The following TMCC3 variants were observed in gnomAD, a reference collection of about 807,000 sequenced individuals.
TMCC3 encodes the protein transmembrane and coiled-coil domain protein 3.
A neutral mutation model predicts 40.2 loss-of-function variants in TMCC3; 28 were observed. That is an observed-to-expected ratio of 0.70 (90% CI 0.52 to 0.95). TMCC3 has a LOEUF of 0.95. Among genes scored for constraint, TMCC3 ranks in the 40% least tolerant of loss-of-function variants. The probability of loss-of-function intolerance (pLI) is 0.00; values close to 1 mark genes in which losing one functional copy is unlikely to be tolerated. For missense variants in TMCC3, 554 were observed against 615.2 expected, an observed-to-expected ratio of 0.90 and a Z score of 1.05; for synonymous variants, 255 against 248.5, an observed-to-expected ratio of 1.03 and a Z score of -0.25.
chr12:94,581,899 C>T lies in TMCC3; in HGVS notation c.718G>A (p.Gly240Arg), dbSNP rs373520146. The change falls in exon 2 of 4, where the codon GGG (glycine) becomes AGG (arginine). Residue 240 changes from glycine to arginine, a missense_variant. Transcript: ENST00000261226. ...TTGTTCACGATGGTAGCGCTGCCCCCGTAGGCCCTGGCACTCGCCTCTGGC... is the reference window on the plus strand; with the variant it reads ...TTGTTCACGATGGTAGCGCTGCCCCTGTAGGCCCTGGCACTCGCCTCTGGC... ...FRPEASARAY[G>R]GSATIVNKPK... 123 of 1,614,144 alleles carry T rather than the reference C, an allele frequency of 7.6e-5. No individual in the cohort carries two copies. Among genetic ancestry groups the T allele is most frequent in the Non-Finnish European group, 5.1e-5 (60 of 1,180,056 alleles).
chr12:94,639,731 A>C (rs1186097583), intron 1 of TMCC3, among the ~76,000 whole-genome samples: 2 of 149,980 alleles, frequency 1.3e-5, no homozygotes, highest in African/African-American at 2.5e-5. Context: ...AAAAAAATAT[A>C]AATTAGAAAA....
At chr12:94,589,497 A>T (rs2068659060) in intron 1 of TMCC3, among the ~76,000 whole-genome samples, 1 of 152,218 alleles carries the variant, frequency 6.6e-6, no homozygotes, top group South Asian at 2.1e-4. Context: ...ATCCTATTAC[A>T]TGCCCACGAG....
chr12:94,591,479 C>T (rs2138837579), intron 1 of TMCC3, among the ~76,000 whole-genome samples: 1 of 151,528 alleles, frequency 6.6e-6, no homozygotes, highest in Admixed American at 6.6e-5. Context: ...GATACAGTGG[C>T]TGGATGCAGT....
chr12:94,649,927 A>C, intron 1 of TMCC3, among the ~76,000 whole-genome samples: 1 of 151,998 alleles, frequency 6.6e-6, no homozygotes. Flanking sequence ...ACAGGGAGAC[A>C]GGGCGGCCGC....
chr12:94,599,556 A>ACCCCCCCCCCCCCCC (rs10545928), intron 1 of TMCC3, among the ~76,000 whole-genome samples: 1 of 69,506 alleles, frequency 1.4e-5, no homozygotes, highest in African/African-American at 5.3e-5. Context: ...TTTAAAAGAT[A>ACCCCCCCCCCCCCCC]CCCCCCCCCC....
intron 1 of TMCC3, among the ~76,000 whole-genome samples, chr12:94,642,750 A>T (rs1285507785): frequency 6.6e-6 from 1 of 152,240 alleles, no homozygotes; most frequent in Non-Finnish European, 1.5e-5. Flanking sequence ...TCCCATCTGA[A>T]CATTAACCGA....
chr12:94,582,858 A>G (rs564737399), intron 1 of TMCC3, among the ~76,000 whole-genome samples: 8 of 152,162 alleles, frequency 5.3e-5, no homozygotes, highest in Admixed American at 5.2e-4. Context: ...CCGGTCTCCC[A>G]AAGTGCCCAG....
intron 1 of TMCC3, among the ~76,000 whole-genome samples, chr12:94,620,373 C>T (rs1397446238): frequency 2.7e-5 from 4 of 150,722 alleles, no homozygotes; most frequent in Non-Finnish European, 4.4e-5. Context: ...CTGCAACCTT[C>T]GCCTCCCAAG....
chr12:94,607,789 CT>C (rs2068792386), intron 1 of TMCC3, among the ~76,000 whole-genome samples: 1 of 152,246 alleles, frequency 6.6e-6, no homozygotes. Context: ...ATTAATCTGA[CT>C]CAGTCCACCT....
chr12:94,582,067 T>C lies in TMCC3; in HGVS notation c.550A>G (p.Ser184Gly), dbSNP rs111947128. ...SRTAPHCMES[S>G]KSGMPGVSLT... ...GAGACCCCTGGCATGCCCGATTTGC[T>C]GCTCTCCATGCAATGGGGGGCAGTT... The change falls in exon 2 of 4, where the codon AGC becomes GGC. Residue 184 changes from serine to glycine, a missense_variant. Ser to Gly is a moderately conservative substitution (Grantham distance 56, BLOSUM62 0). Coordinates refer to ENST00000261226, the MANE Select transcript of TMCC3 (RefSeq NM_020698.4). The C allele has an allele frequency of 1.6e-4, 263 of 1,614,202 alleles. 4 individuals carry two copies. The African/African-American group carries it at 2.8e-3, about 17-fold the overall frequency.
At position 94,645,339 on chromosome 12, in the gene TMCC3, G is replaced by A. The variant is rs567119501; in HGVS notation, c.78+5014C>T. ...TTTTCACAAAATTAGCAGCCTTTCC[G>A]TTTCTAAGCTCACAAATCCCTCTTT... On this transcript the variant is annotated intron_variant, in intron 1 of 3. Transcript: ENST00000261226. Among the ~76,000 whole-genome samples, 9 of 152,276 alleles carry A rather than the reference G, an allele frequency of 5.9e-5. No individual in the cohort carries two copies. In the South Asian group the frequency reaches 1.2e-3, roughly 21 times the overall value.
At chr12:94,631,309 T>A (rs1193493607) in intron 1 of TMCC3, among the ~76,000 whole-genome samples, 2 of 152,176 alleles carry the variant, frequency 1.3e-5, no homozygotes, top group Non-Finnish European at 2.9e-5. Flanking sequence ...TAAAAATTCA[T>A]ACTGAAATCC....
intron 1 of TMCC3, chr12:94,616,082 C>T (rs920060806): frequency 1.1e-5 from 11 of 985,416 alleles, no homozygotes; most frequent in Middle Eastern, 5.2e-4. Context: ...CACATTATCT[C>T]GGGGTATTCC....
In TMCC3 at chr12:94,592,552, G is replaced by A. The variant is rs1246754714; in HGVS notation, c.79-10014C>T. On this transcript the variant is annotated intron_variant, in intron 1 of 3. Coordinates refer to ENST00000261226, the MANE Select transcript of TMCC3 (RefSeq NM_020698.4). The stretch of plus-strand genomic sequence containing the variant: ...CCAGCTACTCAGGAGGCTGAGGCAG[G>A]AGAATCACTTGGACCCCGGAGGCAG... 2.0e-5 allele frequency among the ~76,000 whole-genome samples: 3 copies of A among 148,102 alleles called. No individual in the cohort carries two copies. In the South Asian group the frequency reaches 6.5e-4, roughly 32 times the overall value.
chr12:94,581,843 C>G lies in TMCC3; in HGVS notation c.774G>C (p.Ser258=), dbSNP rs374328966. 6.2e-7 allele frequency: 1 copy of G among 1,614,050 alleles called. No homozygotes were observed. Among genetic ancestry groups the G allele is most frequent in the Non-Finnish European group, 8.5e-7 (1 of 1,179,910 alleles). The change falls in exon 2 of 4, where the codon TCG becomes TCC. Residue 258 remains serine, a synonymous_variant. Coordinates refer to ENST00000261226, the MANE Select transcript of TMCC3 (RefSeq NM_020698.4). The part of the protein sequence containing the change: ...KPKYGSDDEC[S]SGTSGSADSN... ...TGTCGGCCGAGCCTGACGTGCCACT[C>G]GAACATTCATCATCACTGCCATACT...
chr12:94,641,543 C>A (rs956493989), intron 1 of TMCC3, among the ~76,000 whole-genome samples: 1 of 152,154 alleles, frequency 6.6e-6, no homozygotes, highest in East Asian at 1.9e-4. Flanking sequence ...CATGGGCCAT[C>A]GGACTCAAGT....
intron 1 of TMCC3, among the ~76,000 whole-genome samples, chr12:94,646,051 C>T (rs2069016285): frequency 6.6e-6 from 1 of 152,176 alleles, no homozygotes; most frequent in Non-Finnish European, 1.5e-5. Flanking sequence ...TGGTAGCAAA[C>T]AGCACTGGTA....
intron 2 of TMCC3, among the ~76,000 whole-genome samples, chr12:94,579,444 C>G (rs998181712): frequency 1.3e-5 from 2 of 152,178 alleles, no homozygotes; most frequent in African/African-American, 4.8e-5. Flanking sequence ...AAGGTGGAGG[C>G]TGCAGTGAGC....
intron 1 of TMCC3, among the ~76,000 whole-genome samples, chr12:94,613,560 C>CT (rs1312408624): frequency 1.3e-5 from 2 of 152,092 alleles, no homozygotes; most frequent in East Asian, 3.8e-4. Flanking sequence ...CAGGCAAACT[C>CT]TTTTTTAGGT....
Sources: allele counts gnomAD v4.1 joint callset (sites outside exome capture counted in the v4.1 genomes callset), GRCh38; gene constraint gnomAD v4.1.1; transcripts MANE v1.5; gene names NCBI Gene and HGNC (gene_info 2026-07-23, HGNC 2026-07-21).